NKAIN2: variants seen among roughly 807,000 people sequenced by gnomAD.
NKAIN2 encodes sodium/potassium transporting ATPase interacting 2, also known as sodium/potassium-transporting ATPase subunit beta-1-interacting protein 2.
Under a neutral mutation model 32.6 loss-of-function variants are expected in NKAIN2, and 14 were observed. The ratio of observed to expected loss-of-function variants is 0.43; its 90% CI spans 0.28 to 0.67. The LOEUF (loss-of-function observed/expected upper bound fraction) is 0.67, where lower values mean the gene tolerates loss of function less well. NKAIN2 is among the 30% of genes least tolerant of loss of function. The pLI is 0.17. For synonymous variants in NKAIN2, 80 were observed against 87.2 expected (o/e 0.92, Z 0.46); for missense variants, 198 against 258.3 (o/e 0.77, Z 1.60).
At chr6:124,492,086 T>A (rs1484658102) in intron 3 of NKAIN2, among the ~76,000 whole-genome samples, 1 of 151,966 alleles carries the variant, frequency 6.6e-6, no homozygotes, top group Non-Finnish European at 1.5e-5. Context: ...GAAGACCTAT[T>A]GGCTATTATT....
chr6:123,833,039 A>T (rs921871765), intron 1 of NKAIN2, among the ~76,000 whole-genome samples: 1 of 152,152 alleles, frequency 6.6e-6, no homozygotes, highest in Non-Finnish European at 1.5e-5. Context: ...TAACCAAGTT[A>T]TCTAGATTTT....
rs370414831 is a variant in NKAIN2 at position 124,420,866 on chromosome 6, T to C, written c.273+65519T>C. On this transcript the variant is annotated intron_variant, in intron 3 of 6. Transcript: ENST00000368417. ...CTCAGGATAAAATTATCACTACAAA[T>C]TCTACTCACTCACTAGGACGAGTAG... 2.0e-5 allele frequency among the ~76,000 whole-genome samples: 3 copies of C among 152,132 alleles called. No homozygotes were observed. In the East Asian group the frequency reaches 5.8e-4, roughly 29 times the overall value.
intron 1 of NKAIN2, among the ~76,000 whole-genome samples, chr6:123,998,392 T>A (rs1282935385): frequency 6.6e-6 from 1 of 152,094 alleles, no homozygotes; most frequent in South Asian, 2.1e-4. Flanking sequence ...TAATAAAAAA[T>A]GTCTGTCTTT....
chr6:124,645,846 CCTTCA>C (rs1490689190), intron 3 of NKAIN2, among the ~76,000 whole-genome samples: 4 of 152,186 alleles, frequency 2.6e-5, no homozygotes, highest in African/African-American at 7.2e-5. Context: ...TCTGTTCACT[CCTTCA>C]CTTCATTCAC....
intron 2 of NKAIN2, among the ~76,000 whole-genome samples, chr6:124,351,585 G>C (rs1798735594): frequency 6.7e-6 from 1 of 150,244 alleles, no homozygotes. Context: ...ATAAATCTTT[G>C]AGGATTACTG....
chr6:124,452,354 A>G (rs1373268872), intron 3 of NKAIN2, among the ~76,000 whole-genome samples: 5 of 152,086 alleles, frequency 3.3e-5, no homozygotes, highest in Non-Finnish European at 5.9e-5. Flanking sequence ...CCCCATGGCT[A>G]TGTATGACAA....
chr6:124,735,366 T>C (rs1776885431), intron 4 of NKAIN2, among the ~76,000 whole-genome samples: 1 of 151,940 alleles, frequency 6.6e-6, no homozygotes, highest in Non-Finnish European at 1.5e-5. Context: ...ATAAGTTTAG[T>C]ATGAAGAATA....
chr6:123,989,284 G>A (rs1262016379), intron 1 of NKAIN2, among the ~76,000 whole-genome samples: 2 of 152,196 alleles, frequency 1.3e-5, no homozygotes, highest in Middle Eastern at 3.4e-3. Flanking sequence ...TTTCAGAGAG[G>A]CCTAATTGAG....
intron 3 of NKAIN2, among the ~76,000 whole-genome samples, chr6:124,641,106 A>C (rs1264934790): frequency 1.3e-5 from 2 of 152,208 alleles, no homozygotes; most frequent in Non-Finnish European, 2.9e-5. Context: ...CTATTCGTAC[A>C]TATAAAGAGG....
intron 2 of NKAIN2, among the ~76,000 whole-genome samples, chr6:124,338,098 C>A (rs79533943): frequency 2.0e-5 from 3 of 152,150 alleles, no homozygotes; most frequent in Non-Finnish European, 4.4e-5. Flanking sequence ...GGACTCAACA[C>A]TTTTAGCTAT....
intron 1 of NKAIN2, among the ~76,000 whole-genome samples, chr6:123,921,246 A>T (rs1775738291): frequency 6.6e-6 from 1 of 152,226 alleles, no homozygotes; most frequent in Admixed American, 6.5e-5. Context: ...CAGATATCCA[A>T]GTGAAATTCT....
chr6:124,320,171 A>G (rs1244357823), intron 2 of NKAIN2, among the ~76,000 whole-genome samples: 1 of 152,100 alleles, frequency 6.6e-6, no homozygotes, highest in Non-Finnish European at 1.5e-5. Flanking sequence ...TGACATTTGG[A>G]TATATTCCCA....
At chr6:124,783,783 T>C (rs912290559) in intron 4 of NKAIN2, among the ~76,000 whole-genome samples, 8 of 152,174 alleles carry the variant, frequency 5.3e-5, no homozygotes, top group Non-Finnish European at 1.2e-4. Context: ...TGGAATAAGA[T>C]GAAAAAGAGC....
chr6:124,755,635 T>C (rs138893554), intron 4 of NKAIN2, among the ~76,000 whole-genome samples: 4 of 152,224 alleles, frequency 2.6e-5, no homozygotes, highest in East Asian at 1.9e-4. Context: ...CCGCATTTGC[T>C]CACTTATAAG....
chr6:124,248,180 A>T (rs575126117), intron 1 of NKAIN2, among the ~76,000 whole-genome samples: 11 of 152,098 alleles, frequency 7.2e-5, no homozygotes, highest in African/African-American at 2.2e-4. Flanking sequence ...CAATTTTGGA[A>T]CTTGAATGAT....
intron 1 of NKAIN2, among the ~76,000 whole-genome samples, chr6:124,260,953 A>G (rs1794223664): frequency 6.6e-6 from 1 of 152,198 alleles, no homozygotes; most frequent in Non-Finnish European, 1.5e-5. Context: ...TGAGAGTAAT[A>G]TGTGTAAGAT....
chr6:124,589,489 A>G (rs1320912731), intron 3 of NKAIN2, among the ~76,000 whole-genome samples: 1 of 152,162 alleles, frequency 6.6e-6, no homozygotes, highest in Non-Finnish European at 1.5e-5. Flanking sequence ...CTCAATTGTA[A>G]GACTTCTTCC....
intron 3 of NKAIN2, among the ~76,000 whole-genome samples, chr6:124,357,428 T>G (rs1583114714): frequency 6.6e-6 from 1 of 151,994 alleles, no homozygotes; most frequent in Admixed American, 6.6e-5. Flanking sequence ...TAATTGGTAA[T>G]GGAAAAATGT....
At chr6:123,834,670 A>G (rs769860812) in intron 1 of NKAIN2, among the ~76,000 whole-genome samples, 2 of 152,124 alleles carry the variant, frequency 1.3e-5, no homozygotes, top group Non-Finnish European at 2.9e-5. Flanking sequence ...AAAAGCTTTG[A>G]CTTTCTCGCC....
Sources: allele counts gnomAD v4.1 joint callset (sites outside exome capture counted in the v4.1 genomes callset), GRCh38; gene constraint gnomAD v4.1.1; transcripts MANE v1.5; gene names NCBI Gene and HGNC (gene_info 2026-07-23, HGNC 2026-07-21).